The following CNTNAP2 variants were observed in gnomAD, a reference collection of about 807,000 sequenced individuals.
CNTNAP2 encodes contactin associated protein 2, also known as contactin-associated protein-like 2.
Under a neutral mutation model 155.2 loss-of-function variants are expected in CNTNAP2, and 98 were observed. The observed-to-expected ratio is 0.63, with a 90% CI of 0.54 to 0.75. CNTNAP2 has a LOEUF of 0.75. Among genes scored for constraint, CNTNAP2 ranks in the 30% least tolerant of loss-of-function variants. The pLI, the probability that CNTNAP2 is intolerant of heterozygous loss-of-function variation, is 0.00. For synonymous variants in CNTNAP2, 651 were observed against 631.2 expected, an observed-to-expected ratio of 1.03 and a Z score of -0.47; for missense variants, 1,727 against 1,688.1, an observed-to-expected ratio of 1.02 and a Z score of -0.40.
chr7:147,676,902 T>C (rs987382253), intron 13 of CNTNAP2, among the ~76,000 whole-genome samples: 3 of 151,920 alleles, frequency 2.0e-5, no homozygotes, highest in Non-Finnish European at 2.9e-5. Flanking sequence ...ATTTTCTTTA[T>C]CCATTCACCC....
chr7:147,861,447 C>T (rs996332549), intron 13 of CNTNAP2, among the ~76,000 whole-genome samples: 23 of 152,182 alleles, frequency 1.5e-4, no homozygotes, highest in African/African-American at 5.5e-4. Context: ...CATGGCTGTT[C>T]AGTTACACAG....
At chr7:148,040,879 C>T (rs546152801) in intron 15 of CNTNAP2, among the ~76,000 whole-genome samples, 32 of 152,106 alleles carry the variant, frequency 2.1e-4, no homozygotes, top group African/African-American at 7.0e-4. Context: ...CAGTGGCTCA[C>T]ACCTGTAATC....
intron 15 of CNTNAP2, among the ~76,000 whole-genome samples, chr7:148,084,660 T>C (rs1803683765): frequency 6.6e-6 from 1 of 152,238 alleles, no homozygotes; most frequent in Non-Finnish European, 1.5e-5. Flanking sequence ...TTAATTGTAT[T>C]AATTCACTGC....
chr7:146,947,471 A>G (rs1797204644), intron 3 of CNTNAP2, among the ~76,000 whole-genome samples: 1 of 142,406 alleles, frequency 7.0e-6, no homozygotes, highest in Non-Finnish European at 1.5e-5. Context: ...TATATATTGT[A>G]TATATATACT....
intron 20 of CNTNAP2, among the ~76,000 whole-genome samples, chr7:148,256,687 T>G (rs1796460874): frequency 6.6e-6 from 1 of 152,122 alleles, no homozygotes; most frequent in Admixed American, 6.5e-5. Context: ...GCGCAGGGGA[T>G]TTTCTGTCCT....
At chr7:146,576,682 T>C (rs773472907) in intron 1 of CNTNAP2, among the ~76,000 whole-genome samples, 2 of 152,210 alleles carry the variant, frequency 1.3e-5, no homozygotes, top group Non-Finnish European at 2.9e-5. Flanking sequence ...AAGACTTTCC[T>C]ACATTTCTGT....
chr7:147,920,502 C>T (rs954979826), intron 14 of CNTNAP2, among the ~76,000 whole-genome samples: 1 of 152,164 alleles, frequency 6.6e-6, no homozygotes, highest in African/African-American at 2.4e-5. Flanking sequence ...ATAACCAGCT[C>T]TACCAGTGAA....
At chr7:146,288,297 CA>C (rs570614933) in intron 1 of CNTNAP2, among the ~76,000 whole-genome samples, 16,771 of 91,226 alleles carry the variant, frequency 0.18, 2,263 homozygotes, top group African/African-American at 0.42. Flanking sequence ...GATCCTGCCT[CA>C]AAAAAAAAAA....
chr7:146,428,049 G>T (rs977284101), intron 1 of CNTNAP2, among the ~76,000 whole-genome samples: 1 of 152,090 alleles, frequency 6.6e-6, no homozygotes, highest in Admixed American at 6.6e-5. Flanking sequence ...AGCTCCATCC[G>T]TGTCCCTGCA....
chr7:146,321,638 A>T (rs916661269), intron 1 of CNTNAP2, among the ~76,000 whole-genome samples: 1 of 152,172 alleles, frequency 6.6e-6, no homozygotes, highest in Admixed American at 6.6e-5. Context: ...ACTTAACCTC[A>T]GTGTGATTTT....
At chr7:148,410,848 G>A (rs2116718500) in intron 23 of CNTNAP2, among the ~76,000 whole-genome samples, 1 of 152,184 alleles carries the variant, frequency 6.6e-6, no homozygotes, top group East Asian at 1.9e-4. Flanking sequence ...CAGTAAGAAA[G>A]ATAAAAGGAA....
intron 2 of CNTNAP2, among the ~76,000 whole-genome samples, chr7:146,838,378 C>T (rs1187733363): frequency 6.6e-6 from 1 of 152,126 alleles, no homozygotes; most frequent in Non-Finnish European, 1.5e-5. Flanking sequence ...AGTGCAATGG[C>T]ACCATCTTGG....
chr7:146,859,293 G>A (rs1795051163), intron 3 of CNTNAP2, among the ~76,000 whole-genome samples: 1 of 152,188 alleles, frequency 6.6e-6, no homozygotes, highest in African/African-American at 2.4e-5. Context: ...ACCAGTAACA[G>A]TATTATGCAT....
Position 147,108,138 on chromosome 7 carries a change from T to C in CNTNAP2, c.551-9T>C, listed in dbSNP as rs1335056250. ...CTGAACTAATATGTTATTTTTTTTT[T>C]TGTTTTAGGGGCTGATGTTATCAAC... On this transcript the variant is annotated splice_polypyrimidine_tract_variant and intron_variant, in intron 4 of 23. Transcript: ENST00000361727. 6.2e-7 allele frequency: 1 copy of C among 1,612,274 alleles called. No individual in the cohort carries two copies. Among genetic ancestry groups the C allele is most frequent in the East Asian group, 2.2e-5 (1 of 44,830 alleles).
At chr7:146,698,552 T>A (rs931657691) in intron 1 of CNTNAP2, among the ~76,000 whole-genome samples, 2 of 152,164 alleles carry the variant, frequency 1.3e-5, no homozygotes, top group Non-Finnish European at 2.9e-5. Context: ...ATTTTCTTCT[T>A]GTTTGATTTT....
chr7:147,261,532 T>C (rs1040961664), intron 8 of CNTNAP2, among the ~76,000 whole-genome samples: 1 of 151,672 alleles, frequency 6.6e-6, no homozygotes, highest in African/African-American at 2.4e-5. Context: ...GTACTTGTTC[T>C]TGTCAAGTGG....
intron 18 of CNTNAP2, among the ~76,000 whole-genome samples, chr7:148,178,680 T>A (rs563908839): frequency 6.6e-6 from 1 of 152,372 alleles, no homozygotes; most frequent in African/African-American, 2.4e-5. Context: ...TGTTTGTCAC[T>A]GAGCCTTATC....
At chr7:146,389,609 G>T (rs1369601393) in intron 1 of CNTNAP2, among the ~76,000 whole-genome samples, 2 of 149,950 alleles carry the variant, frequency 1.3e-5, no homozygotes, top group Non-Finnish European at 1.5e-5. Flanking sequence ...TTCTATAGCA[G>T]CTGTTCTATT....
At chr7:148,175,744 C>T (rs1307695431) in intron 18 of CNTNAP2, among the ~76,000 whole-genome samples, 2 of 152,100 alleles carry the variant, frequency 1.3e-5, no homozygotes, top group Non-Finnish European at 2.9e-5. Flanking sequence ...AGCTAAGTCT[C>T]ACCCCTGTAT....
Sources: allele counts gnomAD v4.1 joint callset (sites outside exome capture counted in the v4.1 genomes callset), GRCh38; gene constraint gnomAD v4.1.1; transcripts MANE v1.5; gene names NCBI Gene and HGNC (gene_info 2026-07-23, HGNC 2026-07-21).